Variants in KIF26B observed in about 807,000 individuals in gnomAD.
KIF26B encodes the protein kinesin family member 26B, also known as kinesin-like protein KIF26B.
KIF26B carries 63 observed loss-of-function variants against 151.2 expected under a neutral mutation model. That is an observed-to-expected ratio of 0.42 (90% confidence interval 0.34 to 0.51). The LOEUF is 0.51. KIF26B is among the 20% of genes least tolerant of loss of function. KIF26B has a pLI of 0.07. For missense variants in KIF26B, 2,813 were observed against 2,913.6 expected, an observed-to-expected ratio of 0.97 and a Z score of 0.79; for synonymous variants, 1,357 against 1,262.1, an observed-to-expected ratio of 1.08 and a Z score of -1.59.
At chr1:245,403,828 C>G (rs956796102) in intron 3 of KIF26B, among the ~76,000 whole-genome samples, 1 of 152,202 alleles carries the variant, frequency 6.6e-6, no homozygotes, top group African/African-American at 2.4e-5. Context: ...AAAAGTTACT[C>G]TAAAGGCAAG....
intron 4 of KIF26B, among the ~76,000 whole-genome samples, chr1:245,532,477 C>T (rs1661395758): frequency 6.6e-6 from 1 of 152,036 alleles, no homozygotes; most frequent in South Asian, 2.1e-4. Flanking sequence ...GATCTCCCGA[C>T]CTCGTGATCC....
intron 3 of KIF26B, chr1:245,370,526 T>A (rs1168213113): frequency 4.5e-6 from 2 of 447,294 alleles, no homozygotes; most frequent in African/African-American, 4.0e-5. Flanking sequence ...GCCTGGCTTG[T>A]GTGAGCCACA....
At chr1:245,694,461 T>C (rs79785830) in intron 12 of KIF26B, among the ~76,000 whole-genome samples, 113 of 152,284 alleles carry the variant, frequency 7.4e-4, no homozygotes, top group African/African-American at 2.6e-3. Flanking sequence ...CAGAAGCATA[T>C]TCCCCAGGGG....
intron 5 of KIF26B, among the ~76,000 whole-genome samples, chr1:245,555,734 G>T (rs144283331): frequency 3.5e-4 from 54 of 152,258 alleles, no homozygotes; most frequent in African/African-American, 1.1e-3. Context: ...AGCATGTCAG[G>T]TCTCAAATCC....
intron 5 of KIF26B, among the ~76,000 whole-genome samples, chr1:245,566,826 C>G (rs898306406): frequency 2.0e-5 from 3 of 152,144 alleles, no homozygotes; most frequent in Non-Finnish European, 4.4e-5. Flanking sequence ...ACTCAGGAGG[C>G]TGAGAGAGAA....
intron 4 of KIF26B, among the ~76,000 whole-genome samples, chr1:245,453,103 TG>T (rs986061925): frequency 1.3e-5 from 2 of 152,198 alleles, no homozygotes; most frequent in African/African-American, 2.4e-5. Flanking sequence ...GTTAATTTTT[TG>T]TGTATGGTGT....
intron 2 of KIF26B, among the ~76,000 whole-genome samples, chr1:245,347,175 G>A (rs1672472656): frequency 6.6e-6 from 1 of 152,054 alleles, no homozygotes; most frequent in South Asian, 2.1e-4. Flanking sequence ...TCCTCTTTCT[G>A]TATCATCATT....
rs74163061 is a variant in KIF26B, at chr1:245,520,568, T to TCATC, written c.1167-20168_1167-20165dup. 4.8e-3 allele frequency among the ~76,000 whole-genome samples: 521 copies of TCATC among 107,930 alleles called. 5 individuals are homozygous for TCATC. The highest frequency in any genetic ancestry group is 0.018 in the East Asian group (62 of 3,540). The allele number at this position is 107,930 out of a possible 152,430, so 70.8% of individuals were successfully genotyped here. ...CCCATTCATCCATCCATCCACCCATTCATCCATCCATCCATCCATCCATCC... is the reference window on the plus strand; with the variant it reads ...CCCATTCATCCATCCATCCACCCATTCATCCATCCATCCATCCATCCATCCATCC... On this transcript the variant is annotated intron_variant, in intron 4 of 14. Coordinates refer to ENST00000407071, the MANE Select transcript of KIF26B (RefSeq NM_018012.4).
At chr1:245,566,962 TAA>T in intron 5 of KIF26B, among the ~76,000 whole-genome samples, 1 of 147,714 alleles carries the variant, frequency 6.8e-6, no homozygotes, top group Non-Finnish European at 1.5e-5. Context: ...AATAAAAAAA[TAA>T]AATTCCTTTC....
At chr1:245,499,894 C>T (rs1045672134) in intron 4 of KIF26B, among the ~76,000 whole-genome samples, 8 of 152,206 alleles carry the variant, frequency 5.3e-5, no homozygotes, top group South Asian at 2.1e-4. Flanking sequence ...ATGTATCAAA[C>T]GGTCACTTTC....
At position 245,684,330 on chromosome 1, in the gene KIF26B, G is replaced by A. The variant is rs368623828; in HGVS notation, c.2356G>A (p.Ala786Thr). ...AHISAAVGSY[A>T]ETLSTIQIAS... The stretch of plus-strand genomic sequence containing the variant: ...CATCTCGGCCGCGGTCGGGAGCTAC[G>A]CGGAGACCCTGTCCACCATCCAGAT... Residue 786 changes from alanine (A) to threonine (T), a missense_variant, in exon 11 of 15, where the codon GCG (alanine) becomes ACG (threonine). Physicochemically the swap from Ala to Thr is moderately conservative, Grantham distance 58. Coordinates refer to ENST00000407071, the MANE Select transcript of KIF26B (RefSeq NM_018012.4). 74 of 1,613,782 alleles carry A rather than the reference G, an allele frequency of 4.6e-5. No individual in the cohort carries two copies. The highest frequency in any genetic ancestry group is 6.2e-5 in the Non-Finnish European group (73 of 1,179,866).
Position 245,308,763 on chromosome 1 carries a change from A to G in KIF26B, c.466-58071A>G, listed in dbSNP as rs116723025. Among the ~76,000 whole-genome samples the G allele has an allele frequency of 3.3e-3, 508 of 152,250 alleles. 1 individual carries two copies. The highest frequency in any genetic ancestry group is 0.012 in the African/African-American group (480 of 41,552). ...AAAACAAGACAAAACAAAAACATGAATGGAACAAGAAAGAATCATGAGGTG... is the reference window on the plus strand; with the variant it reads ...AAAACAAGACAAAACAAAAACATGAGTGGAACAAGAAAGAATCATGAGGTG... On this transcript the variant is annotated intron_variant, in intron 2 of 14. Coordinates refer to ENST00000407071, the MANE Select transcript of KIF26B (RefSeq NM_018012.4).
intron 3 of KIF26B, among the ~76,000 whole-genome samples, chr1:245,405,277 A>T (rs1345375932): frequency 2.0e-5 from 3 of 152,244 alleles, no homozygotes; most frequent in Non-Finnish European, 4.4e-5. Flanking sequence ...CTCCAAAGGG[A>T]ATAGGCAGAA....
At chr1:245,188,316 G>T (rs1160083316) in intron 2 of KIF26B, among the ~76,000 whole-genome samples, 2 of 139,834 alleles carry the variant, frequency 1.4e-5, no homozygotes, top group East Asian at 4.3e-4. Flanking sequence ...GCAAATTCAA[G>T]ACACAGTAGA....
At chr1:245,552,124 TGTGTG>T (rs1558211139) in intron 5 of KIF26B, among the ~76,000 whole-genome samples, 3 of 42,442 alleles carry the variant, frequency 7.1e-5, no homozygotes, top group African/African-American at 3.8e-4. Context: ...ACCAGCAGGG[TGTGTG>T]TGTGTGTGTG....
chr1:245,578,910 A>G (rs1038866625), intron 5 of KIF26B, among the ~76,000 whole-genome samples: 2 of 152,254 alleles, frequency 1.3e-5, no homozygotes, highest in African/African-American at 2.4e-5. Flanking sequence ...CTGAACTATT[A>G]CATGAAATGA....
intron 2 of KIF26B, among the ~76,000 whole-genome samples, chr1:245,312,476 C>T (rs9428639): frequency 1.3e-5 from 2 of 151,858 alleles, no homozygotes; most frequent in African/African-American, 4.8e-5. Flanking sequence ...AGGAGGGGAG[C>T]TTAAAACAAT....
chr1:245,323,143 T>C (rs1292568547), intron 2 of KIF26B, among the ~76,000 whole-genome samples: 2 of 152,246 alleles, frequency 1.3e-5, no homozygotes, highest in Non-Finnish European at 2.9e-5. Flanking sequence ...AGTATCTCTA[T>C]TCCTATTATC....
At chr1:245,503,836 C>T (rs1038919564) in intron 4 of KIF26B, among the ~76,000 whole-genome samples, 6 of 152,182 alleles carry the variant, frequency 3.9e-5, no homozygotes, top group Admixed American at 1.3e-4. Context: ...TATTCCAAAG[C>T]CAACCCATCT....
Sources: allele counts gnomAD v4.1 joint callset (sites outside exome capture counted in the v4.1 genomes callset), GRCh38; gene constraint gnomAD v4.1.1; transcripts MANE v1.5; gene names NCBI Gene and HGNC (gene_info 2026-07-23, HGNC 2026-07-21).